The following CPEB4 variants were observed in gnomAD, a reference collection of about 807,000 sequenced individuals.
The protein encoded by CPEB4 is cytoplasmic polyadenylation element binding protein 4.
CPEB4 carries 12 observed loss-of-function variants against 72.5 expected under a neutral mutation model. The ratio of observed to expected loss-of-function variants is 0.17; its 90% CI spans 0.11 to 0.27. CPEB4 has a LOEUF of 0.27. Ranked by LOEUF, CPEB4 falls within the 10% of genes least tolerant of loss-of-function variation. CPEB4 has a pLI of 1.00. For synonymous variants in CPEB4, 302 were observed against 326.3 expected, an observed-to-expected ratio of 0.93 and a Z score of 0.80; for missense variants, 614 against 908.5, an observed-to-expected ratio of 0.68 and a Z score of 4.17.
At chr5:173,916,254 G>T (rs889698231) in intron 2 of CPEB4, among the ~76,000 whole-genome samples, 2 of 152,084 alleles carry the variant, frequency 1.3e-5, no homozygotes, top group Non-Finnish European at 2.9e-5. Context: ...TCATATTGTT[G>T]TAGAATATAT....
chr5:173,922,890 T>C (rs997525815), intron 2 of CPEB4, among the ~76,000 whole-genome samples: 8 of 152,238 alleles, frequency 5.3e-5, no homozygotes, highest in Non-Finnish European at 1.0e-4. Flanking sequence ...TGTTGGGATA[T>C]ATCAGGGACT....
chr5:173,890,999 T>A, intron 1 of CPEB4, 141 bp downstream of exon 1: 2 of 821,616 alleles, frequency 2.4e-6, no homozygotes, highest in Non-Finnish European at 3.6e-6. Flanking sequence ...AGACTTTATT[T>A]TAGCAGGAGT....
intron 2 of CPEB4, among the ~76,000 whole-genome samples, chr5:173,911,830 G>C (rs11744026): frequency 6.6e-6 from 1 of 151,942 alleles, no homozygotes; most frequent in Admixed American, 6.6e-5. Context: ...GCCAGACATA[G>C]AGCTTTGCAC....
chr5:173,904,694 C>A (rs1756361727), intron 1 of CPEB4, among the ~76,000 whole-genome samples: 1 of 132,804 alleles, frequency 7.5e-6, no homozygotes, highest in South Asian at 2.8e-4. Context: ...GGAAGGATCA[C>A]TTACTTGGTT....
intron 3 of CPEB4, among the ~76,000 whole-genome samples, chr5:173,935,445 C>T (rs958898407): frequency 6.6e-6 from 1 of 152,092 alleles, no homozygotes; most frequent in African/African-American, 2.4e-5. Flanking sequence ...GCTATTCTTC[C>T]TTGTCCACTG....
chr5:173,960,396 A>C lies in CPEB4; in HGVS notation c.*4259A>C, dbSNP rs1373608452. The C allele has an allele frequency of 6.5e-6, 1 of 152,678 alleles. No homozygotes were observed. Among genetic ancestry groups the C allele is most frequent in the East Asian group, 1.9e-4 (1 of 5,282 alleles). The allele number at this position is 152,678 out of a possible 1,614,324, so 9.5% of individuals were successfully genotyped here. ...TGTAACATTTTAAAATATTAGGAAT[A>C]TACTGTTCAGCTAATGCAGCACAAA... On this transcript the variant is annotated 3_prime_UTR_variant, in exon 10 of 10. Transcript: ENST00000265085.
chr5:173,916,003 G>C (rs1048518574), intron 2 of CPEB4, among the ~76,000 whole-genome samples: 2 of 152,164 alleles, frequency 1.3e-5, no homozygotes, highest in African/African-American at 2.4e-5. Flanking sequence ...ACGTCAGACA[G>C]AATATAACAA....
At chr5:173,912,673 G>A (rs1287133894) in intron 2 of CPEB4, among the ~76,000 whole-genome samples, 1 of 147,816 alleles carries the variant, frequency 6.8e-6, no homozygotes, top group Non-Finnish European at 1.5e-5. Context: ...GGTGGCTCAC[G>A]CTTATAATCC....
rs1755743304 is a variant in CPEB4 at position 173,889,918 on chromosome 5, T to A, written c.185T>A (p.Phe62Tyr). ...AGCAGTGCTGGGTCAGCTTGGCTTT[T>A]TCCTGCTCCAGCTACCCATAACATT... ...NGSSAGSAWL[F>Y]PAPATHNIQD... The change falls in exon 1 of 10, where the codon TTT (phenylalanine) becomes TAT (tyrosine). Residue 62 changes from phenylalanine (F) to tyrosine (Y), a missense_variant. Transcript: ENST00000265085. The A allele has an allele frequency of 2.5e-6, 4 of 1,614,054 alleles. No homozygotes were observed. Among genetic ancestry groups the A allele is most frequent in the Non-Finnish European group, 3.4e-6 (4 of 1,180,032 alleles).
chr5:173,946,373 TA>T, intron 5 of CPEB4, among the ~76,000 whole-genome samples: 1 of 152,310 alleles, frequency 6.6e-6, no homozygotes, highest in Non-Finnish European at 1.5e-5. Flanking sequence ...ACAAATCATT[TA>T]AAAGCTAATG....
rs1159148046 is a variant in CPEB4 at position 173,889,695 on chromosome 5, T to C, written c.-39T>C. 5 of 1,511,116 alleles carry C rather than the reference T, an allele frequency of 3.3e-6. No individual in the cohort carries two copies. Among genetic ancestry groups the C allele is most frequent in the Non-Finnish European group, 4.4e-6 (5 of 1,126,190 alleles). 93.6% of individuals were successfully genotyped at this position (1,511,116 alleles called of 1,614,324 possible). A position where few individuals can be genotyped will look rare whatever the true frequency, so the allele number is the denominator to read the frequency against. ...AAAAAAGGCGTGAGACATCAGGTTG[T>C]CATTTTTTATTGTGAGATTCTGCTC... On this transcript the variant is annotated 5_prime_UTR_variant, in exon 1 of 10. Transcript: ENST00000265085.
In CPEB4 at chr5:173,944,968, T is replaced by G. The variant is rs1298142674; in HGVS notation, c.1284T>G (p.Gly428=). 7 of 1,607,012 alleles carry G rather than the reference T, an allele frequency of 4.4e-6. No homozygotes were observed. The African/African-American group carries it at 8.0e-5, about 18-fold the overall frequency. The part of the protein sequence containing the change: ...INARTYGRRR[G]QSSLFPMEDG... ...TTTTTTCCCTGCTTTCTATTCCAGG[T>G]CAGTCTTCACTGTTTCCAATGGAAG... The change falls in exon 5 of 10, where the codon GGT becomes GGG. Residue 428 remains glycine (G), a splice_region_variant and synonymous_variant. Coordinates refer to ENST00000265085, the MANE Select transcript of CPEB4 (RefSeq NM_030627.4).
At chr5:173,902,941 T>G (rs956901200) in intron 1 of CPEB4, among the ~76,000 whole-genome samples, 3 of 152,188 alleles carry the variant, frequency 2.0e-5, no homozygotes, top group Non-Finnish European at 1.5e-5. Context: ...GAATGAGTAA[T>G]TAGCATATCC....
rs1755785446 is a variant in CPEB4 at position 173,890,790 on chromosome 5, T to C, written c.1057T>C (p.Ser353Pro). Reference sequence around the variant, plus strand: ...GCTCCAGAAGTATGCTCGCCCCAGCTCTGCCTTTGCACCTAAATCCTGGAT... The same window carrying C: ...GCTCCAGAAGTATGCTCGCCCCAGCCCTGCCTTTGCACCTAAATCCTGGAT... ...IQLQKYARPS[S>P]AFAPKSWMED... The change falls in exon 1 of 10, where the codon TCT (serine) becomes CCT (proline). Residue 353 changes from serine to proline, a missense_variant. Physicochemically the swap from Ser to Pro is moderately conservative, Grantham distance 74. This residue lies in a region of CPEB4 where 458 missense variants were observed against 548.6 expected (regional missense o/e 0.83). Transcript: ENST00000265085. The C allele has an allele frequency of 6.2e-7, 1 of 1,614,226 alleles. No homozygotes were observed. Among genetic ancestry groups the C allele is most frequent in the Middle Eastern group, 1.6e-4 (1 of 6,062 alleles).
chr5:173,937,632 C>T (rs1757677418), intron 3 of CPEB4, among the ~76,000 whole-genome samples: 1 of 152,174 alleles, frequency 6.6e-6, no homozygotes, highest in Non-Finnish European at 1.5e-5. Flanking sequence ...GAAGATCATA[C>T]TCAGAATATA....
chr5:173,922,334 G>C (rs952664326), intron 2 of CPEB4, among the ~76,000 whole-genome samples: 2 of 151,990 alleles, frequency 1.3e-5, no homozygotes, highest in Non-Finnish European at 2.9e-5. Context: ...GGGCTCAAAC[G>C]CTCCTCCCAC....
At chr5:173,918,654 T>A (rs1238749581) in intron 2 of CPEB4, among the ~76,000 whole-genome samples, 1 of 152,206 alleles carries the variant, frequency 6.6e-6, no homozygotes, top group Non-Finnish European at 1.5e-5. Flanking sequence ...ATGGGCCAGA[T>A]CCTCATCTGC....
intron 5 of CPEB4, among the ~76,000 whole-genome samples, chr5:173,949,175 T>C (rs1758134101): frequency 6.6e-6 from 1 of 152,174 alleles, no homozygotes; most frequent in Non-Finnish European, 1.5e-5. Flanking sequence ...TCAAAATTGA[T>C]ATATAAGGGA....
At chr5:173,912,954 T>C (rs1332948046) in intron 2 of CPEB4, among the ~76,000 whole-genome samples, 1 of 151,240 alleles carries the variant, frequency 6.6e-6, no homozygotes, top group African/African-American at 2.4e-5. Flanking sequence ...GAAAAAGTAG[T>C]TAAAGAACAT....
Sources: gnomAD v4.1 joint callset for allele counts (sites outside exome capture counted in the v4.1 genomes callset) on GRCh38, gnomAD v4.1.1 for gene constraint, gnomAD v4.1.1 regional missense constraint, MANE v1.5 for transcripts, NCBI Gene and HGNC (gene_info 2026-07-23, HGNC 2026-07-21) for gene names.